CALN1: variants seen among roughly 807,000 people sequenced by gnomAD.
The protein encoded by CALN1 is calcium-binding protein 8.
In CALN1, 17 loss-of-function variants were observed where a neutral mutation model predicts 30.6. That is an observed-to-expected ratio of 0.56 (90% confidence interval 0.38 to 0.83). CALN1 has a LOEUF of 0.83. CALN1 is among the 40% of genes least tolerant of loss of function. CALN1 has a pLI of 0.00. For missense variants in CALN1, 291 were observed against 354.9 expected, an observed-to-expected ratio of 0.82 and a Z score of 1.45; for synonymous variants, 156 against 131.4, an observed-to-expected ratio of 1.19 and a Z score of -1.28.
At chr7:72,302,249 G>C (rs1385343228) in intron 2 of CALN1, among the ~76,000 whole-genome samples, 1 of 152,092 alleles carries the variant, frequency 6.6e-6, no homozygotes, top group African/African-American at 2.4e-5. Flanking sequence ...GCTGCTATAT[G>C]GGATAAATGA....
chr7:72,334,816 TCAC>T (rs1454081248), intron 2 of CALN1, among the ~76,000 whole-genome samples: 1 of 152,202 alleles, frequency 6.6e-6, no homozygotes, highest in Non-Finnish European at 1.5e-5. Context: ...GTAACCAACT[TCAC>T]CATTGTAGAA....
At chr7:72,501,489 AGGAAGGAAGGAT>A in the CALN1 span, among the ~76,000 whole-genome samples, 5 of 139,312 alleles carry the variant, frequency 3.6e-5, no homozygotes, top group Admixed American at 7.2e-5. Flanking sequence ...GAAGGAGGGA[AGGAAGGAAGGAT>A]GGAAGGAAGG....
intron 5 of CALN1, among the ~76,000 whole-genome samples, chr7:71,917,061 G>A (rs1175899381): frequency 6.6e-6 from 1 of 152,174 alleles, no homozygotes; most frequent in African/African-American, 2.4e-5. Context: ...GGATTTAACA[G>A]CCTAAGAAAT....
chr7:71,824,358 C>T (rs1361564226), intron 5 of CALN1, among the ~76,000 whole-genome samples: 1 of 152,082 alleles, frequency 6.6e-6, no homozygotes, highest in Non-Finnish European at 1.5e-5. Context: ...GTGGACTTCC[C>T]ATGTTCAGCT....
chr7:72,319,057 A>G (rs1562881149), intron 2 of CALN1, among the ~76,000 whole-genome samples: 1 of 152,062 alleles, frequency 6.6e-6, no homozygotes, highest in Admixed American at 6.6e-5. Context: ...AAAAGAAATC[A>G]TCTTATCAAA....
intron 2 of CALN1, among the ~76,000 whole-genome samples, chr7:72,370,903 C>T (rs761705305): frequency 2.6e-5 from 4 of 151,834 alleles, no homozygotes; most frequent in African/African-American, 7.3e-5. Flanking sequence ...AAAAAATTAG[C>T]GGGTTGTGGT....
At chr7:72,349,145 T>C (rs1802791570) in intron 2 of CALN1, among the ~76,000 whole-genome samples, 1 of 152,102 alleles carries the variant, frequency 6.6e-6, no homozygotes, top group Admixed American at 6.6e-5. Flanking sequence ...AAATAGAAAC[T>C]GAAGCAGAGA....
chr7:72,060,852 C>G (rs1001301628), intron 4 of CALN1, among the ~76,000 whole-genome samples: 8 of 152,180 alleles, frequency 5.3e-5, no homozygotes, highest in Non-Finnish European at 8.8e-5. Flanking sequence ...AGAAGCTGAG[C>G]AGATGTGGGT....
intron 3 of CALN1, among the ~76,000 whole-genome samples, chr7:72,177,014 G>A (rs1789405507): frequency 6.6e-6 from 1 of 152,076 alleles, no homozygotes; most frequent in Admixed American, 6.6e-5. Flanking sequence ...CTGGTGTGCT[G>A]GCTCCCAAAG....
intron 2 of CALN1, among the ~76,000 whole-genome samples, chr7:72,366,551 T>C (rs1401317386): frequency 1.3e-5 from 2 of 151,954 alleles, no homozygotes; most frequent in African/African-American, 2.4e-5. Flanking sequence ...GAATTTTTAG[T>C]GCTGAATTCT....
At chr7:72,264,673 T>C (rs893105768) in intron 3 of CALN1, among the ~76,000 whole-genome samples, 1 of 152,134 alleles carries the variant, frequency 6.6e-6, no homozygotes, top group African/African-American at 2.4e-5. Context: ...AGCTGATTTT[T>C]TGTGGTTGTT....
intron 5 of CALN1, among the ~76,000 whole-genome samples, chr7:72,010,067 A>G (rs1275960144): frequency 6.6e-6 from 1 of 152,206 alleles, no homozygotes; most frequent in Non-Finnish European, 1.5e-5. Flanking sequence ...TGCAATTTGT[A>G]GACAAAGTCA....
intron 3 of CALN1, among the ~76,000 whole-genome samples, chr7:72,248,188 C>G (rs1287302797): frequency 6.6e-6 from 1 of 152,164 alleles, no homozygotes; most frequent in Non-Finnish European, 1.5e-5. Context: ...GATCTTGGCT[C>G]ACTGCAACTT....
At chr7:72,054,591 T>C (rs969685572) in intron 4 of CALN1, among the ~76,000 whole-genome samples, 13 of 148,596 alleles carry the variant, frequency 8.7e-5, no homozygotes, top group African/African-American at 3.0e-4. Flanking sequence ...TGAAAAAGAA[T>C]GAGATCATGT....
chr7:72,131,266 C>T (rs754191812), intron 3 of CALN1, among the ~76,000 whole-genome samples: 2 of 152,088 alleles, frequency 1.3e-5, no homozygotes, highest in Non-Finnish European at 2.9e-5. Flanking sequence ...CGGGGATGTA[C>T]AAGATCCTTA....
the CALN1 span, among the ~76,000 whole-genome samples, chr7:72,475,156 C>A: frequency 6.6e-6 from 1 of 152,114 alleles, no homozygotes; most frequent in East Asian, 1.9e-4. Context: ...AACGTTATCC[C>A]ATTTTCCTTA....
chr7:72,312,025 C>T (rs1450152171), intron 2 of CALN1, among the ~76,000 whole-genome samples: 2 of 152,080 alleles, frequency 1.3e-5, no homozygotes, highest in East Asian at 3.9e-4. Flanking sequence ...GAGTAAGATC[C>T]ATGTCCCCAA....
intron 3 of CALN1, among the ~76,000 whole-genome samples, chr7:72,123,483 C>T (rs138900131): frequency 1.3e-3 from 197 of 152,288 alleles, no homozygotes; most frequent in Non-Finnish European, 2.2e-3. Flanking sequence ...GCGTAAACAC[C>T]GCGCCATGTC....
intron 1 of CALN1, among the ~76,000 whole-genome samples, chr7:72,424,100 G>A (rs889912771): frequency 6.6e-6 from 1 of 152,040 alleles, no homozygotes; most frequent in Non-Finnish European, 1.5e-5. Flanking sequence ...TTGGGTTAGG[G>A]ACCCAGGCTT....
Sources: allele counts gnomAD v4.1 joint callset (sites outside exome capture counted in the v4.1 genomes callset), GRCh38; gene constraint gnomAD v4.1.1; transcripts MANE v1.5; gene names NCBI Gene and HGNC (gene_info 2026-07-23, HGNC 2026-07-21).